SMARCAL1: variants seen among roughly 807,000 people sequenced by gnomAD.
SMARCAL1 encodes ATP-driven annealing helicase.
Under a neutral mutation model 94.5 loss-of-function variants are expected in SMARCAL1, and 58 were observed. The ratio of observed to expected loss-of-function variants is 0.61; its 90% CI spans 0.50 to 0.76. The LOEUF (loss-of-function observed/expected upper bound fraction) is 0.76, where lower values mean the gene tolerates loss of function less well. Ranked by LOEUF, SMARCAL1 falls within the 30% of genes least tolerant of loss-of-function variation. The pLI, the probability that SMARCAL1 is intolerant of heterozygous loss-of-function variation, is 0.00. For missense variants in SMARCAL1, 1,051 were observed against 1,177.9 expected (o/e 0.89, Z 1.58); for synonymous variants, 422 against 455.1 (o/e 0.93, Z 0.93).
chr2:216,421,149 C>T (rs531905941), intron 5 of SMARCAL1, among the ~76,000 whole-genome samples: 14 of 152,266 alleles, frequency 9.2e-5, no homozygotes, highest in Admixed American at 6.5e-4. Context: ...ATGCCTGGTT[C>T]TTACCCAGAG....
intron 13 of SMARCAL1, among the ~76,000 whole-genome samples, chr2:216,465,967 C>T (rs147586634): frequency 2.0e-5 from 3 of 152,328 alleles, no homozygotes; most frequent in Admixed American, 2.0e-4. Flanking sequence ...CCTTCACCTC[C>T]TGGGCACTGC....
rs886055617 is a variant in SMARCAL1 at position 216,432,876 on chromosome 2, G to A, written c.1485+8G>A. The stretch of plus-strand genomic sequence containing the variant: ...CGCTTCACCTGGGAGCAGGTTAATG[G>A]TCTTCAAATTGCAGTTTTCACAGAG... On this transcript the variant is annotated splice_region_variant and intron_variant, in intron 8 of 17. Coordinates refer to ENST00000357276, the MANE Select transcript of SMARCAL1 (RefSeq NM_014140.4). 1 of 1,614,184 alleles carries A rather than the reference G, an allele frequency of 6.2e-7. No homozygotes were observed. The highest frequency in any genetic ancestry group is 2.2e-5 in the East Asian group (1 of 44,886).
intron 7 of SMARCAL1, among the ~76,000 whole-genome samples, chr2:216,430,896 G>C (rs749205034): frequency 6.6e-6 from 1 of 152,214 alleles, no homozygotes; most frequent in African/African-American, 2.4e-5. Flanking sequence ...CCCCCCATCT[G>C]TCTGTGTTGT....
chr2:216,447,678 A>G (rs1694349467), intron 11 of SMARCAL1, among the ~76,000 whole-genome samples: 1 of 151,926 alleles, frequency 6.6e-6, no homozygotes, highest in Admixed American at 6.6e-5. Context: ...GCAAAAAAAA[A>G]AGAAAAAAAA....
At chr2:216,480,544 G>T in intron 17 of SMARCAL1, among the ~76,000 whole-genome samples, 1 of 151,968 alleles carries the variant, frequency 6.6e-6, no homozygotes, top group East Asian at 1.9e-4. Context: ...CCTGGAGGAG[G>T]ACATGTGGGT....
chr2:216,420,027 T>TAAAAAAAAAAAAAA (rs1416394384), intron 4 of SMARCAL1, among the ~76,000 whole-genome samples: 1 of 42,242 alleles, frequency 2.4e-5, no homozygotes, highest in African/African-American at 9.7e-5. Flanking sequence ...AGACCCCGTC[T>TAAAAAAAAAAAAAA]CAAAAAAAAA....
intron 8 of SMARCAL1, among the ~76,000 whole-genome samples, chr2:216,434,672 G>GA (rs34338586): frequency 9.9e-4 from 144 of 145,170 alleles, no homozygotes; most frequent in Non-Finnish European, 1.7e-3. Flanking sequence ...CCATCTCTTT[G>GA]AAAAAAAAAA....
chr2:216,438,297 A>G, intron 9 of SMARCAL1, 123 bp from the exon 10 acceptor site: 1 of 814,886 alleles, frequency 1.2e-6, no homozygotes, highest in Non-Finnish European at 2.1e-6. Context: ...ATCTCCTTGA[A>G]TGAGAAAGTG....
At chr2:216,467,470 C>CAAAA (rs34678979) in intron 13 of SMARCAL1, among the ~76,000 whole-genome samples, 5 of 47,794 alleles carry the variant, frequency 1.0e-4, no homozygotes, top group African/African-American at 1.8e-4. Context: ...AACTCAGTCT[C>CAAAA]AAAAAAAAAA....
At chr2:216,446,543 C>G (rs1398559821) in intron 10 of SMARCAL1, 1 of 385,160 alleles carries the variant, frequency 2.6e-6, no homozygotes, top group African/African-American at 2.1e-5. Context: ...CACAGATCCA[C>G]TCTGGAGGAA....
chr2:216,420,634 G>T (rs1693699277), intron 5 of SMARCAL1, 102 bp downstream of exon 5: 1 of 880,982 alleles, frequency 1.1e-6, no homozygotes, highest in Non-Finnish European at 1.9e-6. Flanking sequence ...TTACTTTCTT[G>T]GGAAAGACTT....
chr2:216,469,022 A>G (rs1026605531), intron 14 of SMARCAL1, among the ~76,000 whole-genome samples: 1 of 151,872 alleles, frequency 6.6e-6, no homozygotes, highest in African/African-American at 2.4e-5. Flanking sequence ...CTGAAGGTTT[A>G]TTTTTTTAAT....
Position 216,468,007 on chromosome 2 carries a change from G to T in SMARCAL1, c.2205G>T (p.Lys735Asn). 1 of 1,613,906 alleles carries T rather than the reference G, an allele frequency of 6.2e-7. No homozygotes were observed. Among genetic ancestry groups the T allele is most frequent in the Non-Finnish European group, 8.5e-7 (1 of 1,179,802 alleles). The change falls in exon 14 of 18, where the codon AAG (lysine) becomes AAT (asparagine). Residue 735 changes from lysine (K) to asparagine (N), a missense_variant. Physicochemically the swap from Lys to Asn is moderately conservative, Grantham distance 94. Around this residue, in one of 3 missense-constraint regions of SMARCAL1, gnomAD observed 642 missense variants for 754.7 expected, o/e 0.85. Coordinates refer to ENST00000357276, the MANE Select transcript of SMARCAL1 (RefSeq NM_014140.4). ...AGTTTTTAGTATTTGCACACCATAA[G>T]GTGGTCCTGGACGCAATTACGCAAG... ...REKFLVFAHH[K>N]VVLDAITQEL...
At chr2:216,464,729 T>A in intron 13 of SMARCAL1, 62 bp downstream of exon 13, 1 of 1,061,004 alleles carries the variant, frequency 9.4e-7, no homozygotes, top group Non-Finnish European at 1.5e-6. Context: ...AAAAACAACT[T>A]ATTACTTTAT....
intron 8 of SMARCAL1, 33 bp downstream of exon 8, chr2:216,432,901 G>C: frequency 6.2e-7 from 1 of 1,613,748 alleles, no homozygotes; most frequent in Non-Finnish European, 8.5e-7. Flanking sequence ...TTTTCACAGA[G>C]AAGGTTTTCT....
intron 12 of SMARCAL1, among the ~76,000 whole-genome samples, chr2:216,456,043 C>T (rs916885530): frequency 1.7e-4 from 26 of 152,116 alleles, no homozygotes; most frequent in African/African-American, 6.3e-4. Flanking sequence ...ACGAGAACTA[C>T]GTGACGAATG....
chr2:216,424,200 A>T (rs1359005733), intron 6 of SMARCAL1, among the ~76,000 whole-genome samples: 1 of 152,224 alleles, frequency 6.6e-6, no homozygotes, highest in East Asian at 1.9e-4. Flanking sequence ...TTACAGACTG[A>T]CCAAGGAAAA....
chr2:216,418,366 C>T (rs1693649969), intron 4 of SMARCAL1, among the ~76,000 whole-genome samples: 1 of 152,194 alleles, frequency 6.6e-6, no homozygotes, highest in South Asian at 2.1e-4. Context: ...TTGTTTGGCT[C>T]CTCTGCATCT....
intron 14 of SMARCAL1, among the ~76,000 whole-genome samples, chr2:216,472,857 G>A (rs944612733): frequency 3.3e-5 from 5 of 152,112 alleles, no homozygotes; most frequent in Admixed American, 6.5e-5. Flanking sequence ...GAAAGTGTAC[G>A]AAGATGGACA....
Sources: allele counts gnomAD v4.1 joint callset (sites outside exome capture counted in the v4.1 genomes callset), GRCh38; gene constraint gnomAD v4.1.1; regional missense constraint gnomAD v4.1.1; transcripts MANE v1.5; gene names NCBI Gene and HGNC (gene_info 2026-07-23, HGNC 2026-07-21).